IMMP2L: variants seen among roughly 807,000 people sequenced by gnomAD.
The protein encoded by IMMP2L is inner mitochondrial membrane peptidase subunit 2.
In IMMP2L, 18 loss-of-function variants were observed where a neutral mutation model predicts 19.3. That is an observed-to-expected ratio of 0.93 (90% CI 0.64 to 1.38). The LOEUF (loss-of-function observed/expected upper bound fraction) is 1.38. IMMP2L is among the 40% of genes most tolerant of loss of function. IMMP2L has a pLI of 0.00. For synonymous variants in IMMP2L, 76 were observed against 73.0 expected, an observed-to-expected ratio of 1.04 and a Z score of -0.21; for missense variants, 233 against 218.2, an observed-to-expected ratio of 1.07 and a Z score of -0.43.
At chr7:110,668,758 G>A (rs1344496212) in intron 5 of IMMP2L, among the ~76,000 whole-genome samples, 1 of 151,778 alleles carries the variant, frequency 6.6e-6, no homozygotes, top group African/African-American at 2.4e-5. Context: ...CATGGTATGG[G>A]AATGCAAAAT....
intron 3 of IMMP2L, among the ~76,000 whole-genome samples, chr7:111,265,982 C>T (rs1297386887): frequency 2.0e-5 from 3 of 152,102 alleles, no homozygotes; most frequent in African/African-American, 7.2e-5. Flanking sequence ...ATCACAGCAG[C>T]CTGCTCTCAC....
chr7:110,735,652 A>AATATATAT (rs138161100), intron 5 of IMMP2L, among the ~76,000 whole-genome samples: 6,141 of 126,032 alleles, frequency 0.049, 278 homozygotes, highest in East Asian at 0.16. Context: ...ATATTAGACA[A>AATATATAT]ATATATATAT....
intron 3 of IMMP2L, among the ~76,000 whole-genome samples, chr7:111,287,358 C>G (rs1017626478): frequency 6.6e-6 from 1 of 152,118 alleles, no homozygotes; most frequent in African/African-American, 2.4e-5. Context: ...AGGAAAACAT[C>G]TGCAAACCCT....
rs141798453 is a variant in IMMP2L, at chr7:111,468,490, T to C, written c.239+18748A>G. ...ATCAAGAAGCCTAAAATTTCATCAT[T>C]TGAAATATTTTTAAGTCTTGACTTT... On this transcript the variant is annotated intron_variant, in intron 3 of 5. Coordinates refer to ENST00000405709, the MANE Select transcript of IMMP2L (RefSeq NM_032549.4). Among the ~76,000 whole-genome samples the C allele has an allele frequency of 2.1e-3, 319 of 152,190 alleles. 2 individuals carry two copies. The highest frequency in any genetic ancestry group is 7.3e-3 in the African/African-American group (304 of 41,544).
At chr7:110,918,492 G>A (rs972584214) in intron 4 of IMMP2L, among the ~76,000 whole-genome samples, 1 of 100,784 alleles carries the variant, frequency 9.9e-6, no homozygotes, top group African/African-American at 4.1e-5. Flanking sequence ...TTTCACTCTT[G>A]TTGCCCAGGG....
rs1371947219 is a variant in IMMP2L at position 111,213,900 on chromosome 7, A to G, written c.240-250335T>C. Among the ~76,000 whole-genome samples the G allele has an allele frequency of 6.6e-6, 1 of 152,100 alleles. No individual in the cohort carries two copies. Among genetic ancestry groups the G allele is most frequent in the East Asian group, 1.9e-4 (1 of 5,186 alleles). ...GTTCATGTGACAGTCCTACAAATGT[A>G]CCCCCTGTATCTAAGATAAAAGGTG... On this transcript the variant is annotated intron_variant, in intron 3 of 5. Transcript: ENST00000405709. The surrounding 1 kb of genome is among the most constrained non-coding windows in gnomAD (Gnocchi z 4.8).
intron 3 of IMMP2L, among the ~76,000 whole-genome samples, chr7:111,334,015 T>G (rs1826144926): frequency 6.6e-6 from 1 of 152,178 alleles, no homozygotes; most frequent in African/African-American, 2.4e-5. Context: ...CTTAAACAAC[T>G]CTTAGGTGAA....
At chr7:111,242,345 C>G (rs1001136395) in intron 3 of IMMP2L, among the ~76,000 whole-genome samples, 1 of 152,100 alleles carries the variant, frequency 6.6e-6, no homozygotes, top group Non-Finnish European at 1.5e-5. Flanking sequence ...GCACTCCTAA[C>G]TGAAGTCCAA....
At chr7:111,338,036 G>A (rs946433451) in intron 3 of IMMP2L, among the ~76,000 whole-genome samples, 2 of 152,116 alleles carry the variant, frequency 1.3e-5, no homozygotes, top group African/African-American at 2.4e-5. Context: ...GTGAAAGGTG[G>A]CAAGTAGGTG....
intron 3 of IMMP2L, among the ~76,000 whole-genome samples, chr7:111,454,193 T>C (rs952648777): frequency 6.6e-6 from 1 of 152,126 alleles, no homozygotes; most frequent in African/African-American, 2.4e-5. Flanking sequence ...AGTGCAGTGA[T>C]GCGATCGCAA....
chr7:110,906,012 C>T (rs1249795489), intron 4 of IMMP2L, among the ~76,000 whole-genome samples: 2 of 152,112 alleles, frequency 1.3e-5, no homozygotes, highest in African/African-American at 2.4e-5. Flanking sequence ...AGTTTCTTTA[C>T]GTTGGAATGA....
chr7:111,537,147 T>C (rs1418818777), intron 1 of IMMP2L, among the ~76,000 whole-genome samples: 3 of 152,174 alleles, frequency 2.0e-5, no homozygotes, highest in Non-Finnish European at 2.9e-5. Flanking sequence ...TCTATATAGA[T>C]ATTGAACATT....
At chr7:111,357,738 AAAGG>A (rs1403066931) in intron 3 of IMMP2L, among the ~76,000 whole-genome samples, 1 of 152,126 alleles carries the variant, frequency 6.6e-6, no homozygotes, top group Non-Finnish European at 1.5e-5. Context: ...TGCATTTTTA[AAAGG>A]AAGTACTCTC....
At chr7:110,675,082 T>C (rs952423513) in intron 5 of IMMP2L, among the ~76,000 whole-genome samples, 19 of 152,174 alleles carry the variant, frequency 1.2e-4, no homozygotes, top group Non-Finnish European at 2.4e-4. Flanking sequence ...TAAATATATT[T>C]TTTATAAAGT....
At chr7:110,979,131 A>G (rs1245220466) in intron 3 of IMMP2L, among the ~76,000 whole-genome samples, 2 of 152,144 alleles carry the variant, frequency 1.3e-5, no homozygotes, top group Admixed American at 6.5e-5. Context: ...CTTGAACTTC[A>G]TATATTTTAC....
intron 5 of IMMP2L, among the ~76,000 whole-genome samples, chr7:110,761,199 A>G (rs2130968001): frequency 6.6e-6 from 1 of 152,260 alleles, no homozygotes; most frequent in South Asian, 2.1e-4. Context: ...TCTGTAGAAT[A>G]TGAGCACTCC....
chr7:110,907,307 G>C (rs1013647513), intron 4 of IMMP2L, among the ~76,000 whole-genome samples: 1 of 152,108 alleles, frequency 6.6e-6, no homozygotes, highest in African/African-American at 2.4e-5. Context: ...GAGCTGAAAG[G>C]AGGATACAAC....
At chr7:111,466,734 C>A (rs1210681612) in intron 3 of IMMP2L, among the ~76,000 whole-genome samples, 1 of 152,082 alleles carries the variant, frequency 6.6e-6, no homozygotes, top group Non-Finnish European at 1.5e-5. Context: ...CAGCCAAAAG[C>A]AGATCAAACA....
intron 4 of IMMP2L, among the ~76,000 whole-genome samples, chr7:110,901,440 A>G (rs78149161): frequency 0.031 from 4,771 of 152,234 alleles, 248 homozygotes; most frequent in African/African-American, 0.11. Context: ...CTTAAATTGA[A>G]AAGGATTTCA....
Sources: allele counts gnomAD v4.1 joint callset (sites outside exome capture counted in the v4.1 genomes callset), GRCh38; gene constraint gnomAD v4.1.1; non-coding constraint Gnocchi (gnomAD v3.1); transcripts MANE v1.5; gene names NCBI Gene and HGNC (gene_info 2026-07-23, HGNC 2026-07-21).